Variants in PHTF2 observed in about 807,000 individuals in gnomAD.
PHTF2 encodes the protein putative homeodomain transcription factor 2.
PHTF2 carries 60 observed loss-of-function variants against 101.2 expected under a neutral mutation model. That is an observed-to-expected ratio of 0.59 (90% CI 0.48 to 0.73). The LOEUF (loss-of-function observed/expected upper bound fraction) is 0.73. Ranked by LOEUF, PHTF2 falls within the 30% of genes least tolerant of loss-of-function variation. PHTF2 has a pLI of 0.00. For synonymous variants in PHTF2, 311 were observed against 307.3 expected, an observed-to-expected ratio of 1.01 and a Z score of -0.13; for missense variants, 747 against 908.7, an observed-to-expected ratio of 0.82 and a Z score of 2.29.
chr7:77,863,791 T>TC (rs1171564533), intron 3 of PHTF2, among the ~76,000 whole-genome samples: 3 of 151,170 alleles, frequency 2.0e-5, no homozygotes, highest in Non-Finnish European at 1.5e-5. Flanking sequence ...TGTTTTGTTT[T>TC]TTTTTTTTTT....
At chr7:77,929,413 C>T (rs1804360030) in intron 12 of PHTF2, 86 bp downstream of exon 11, 2 of 677,754 alleles carry the variant, frequency 3.0e-6, no homozygotes, top group Middle Eastern at 3.4e-4. Flanking sequence ...GAAGAAAAAG[C>T]TTACATTCAA....
intron 12 of PHTF2, among the ~76,000 whole-genome samples, chr7:77,935,849 T>G (rs947548250): frequency 6.6e-6 from 1 of 152,234 alleles, no homozygotes; most frequent in African/African-American, 2.4e-5. Context: ...CCTTTTAGCT[T>G]CTTGCACTTC....
intron 16 of PHTF2, among the ~76,000 whole-genome samples, chr7:77,948,506 A>C (rs1806276961): frequency 6.6e-6 from 1 of 152,198 alleles, no homozygotes; most frequent in East Asian, 1.9e-4. Context: ...CATAAACAAC[A>C]AACCAGAATC....
At position 77,929,947 on chromosome 7, in the gene PHTF2, A is replaced by ATTTT. The variant is rs761290166; in HGVS notation, c.1338+638_1338+641dup. On this transcript the variant is annotated intron_variant, in intron 12 of 19. Coordinates refer to ENST00000416283, the Ensembl canonical transcript of PHTF2. ...GCACATCTCATTTTGGACTAGCCAC[A>ATTTT]TTTTTTTTTTTTTTTTTTTTTGAGA... 2.2e-4 allele frequency among the ~76,000 whole-genome samples: 27 copies of ATTTT among 122,140 alleles called. 1 individual carries two copies. The highest frequency in any genetic ancestry group is 6.5e-4 in the African/African-American group (20 of 30,892). 80.1% of individuals were successfully genotyped at this position (122,140 alleles called of 152,430 possible).
At chr7:77,815,869 C>T (rs1793811767) in intron 1 of PHTF2, among the ~76,000 whole-genome samples, 1 of 152,184 alleles carries the variant, frequency 6.6e-6, no homozygotes, top group Non-Finnish European at 1.5e-5. Flanking sequence ...TCTGCTGTCT[C>T]GGATCTGCTA....
chr7:77,870,349 C>T (rs1798416866), intron 3 of PHTF2, among the ~76,000 whole-genome samples: 2 of 151,428 alleles, frequency 1.3e-5, no homozygotes, highest in South Asian at 4.2e-4. Context: ...CTCACACTAT[C>T]ACAAGGTCTC....
intron 1 of PHTF2, among the ~76,000 whole-genome samples, chr7:77,816,466 A>C (rs1321565135): frequency 6.6e-6 from 1 of 152,198 alleles, no homozygotes; most frequent in African/African-American, 2.4e-5. Flanking sequence ...CATTATTTTA[A>C]AAAACTACTT....
rs1190385207 is a variant in PHTF2, at chr7:77,942,796, C to T, written c.1959+10C>T. ...TATCTGTTGTGCCCAGGTGAGTTAACTCGCTCCATGTAGAAATTAACCAGA... is the reference window on the plus strand; with the variant it reads ...TATCTGTTGTGCCCAGGTGAGTTAATTCGCTCCATGTAGAAATTAACCAGA... On this transcript the variant is annotated intron_variant, in intron 16 of 19. Transcript: ENST00000416283. 2.1e-6 allele frequency: 3 copies of T among 1,411,932 alleles called. No homozygotes were observed. The highest frequency in any genetic ancestry group is 1.4e-5 in the African/African-American group (1 of 70,258). The allele number at this position is 1,411,932 out of a possible 1,614,324, so 87.5% of individuals were successfully genotyped here. A position where few individuals can be genotyped will look rare whatever the true frequency, so the allele number is the denominator to read the frequency against.
chr7:77,940,153 C>T (rs1253720649), exon 14 of PHTF2: 1 of 1,613,826 alleles, frequency 6.2e-7, no homozygotes, highest in East Asian at 2.2e-5. Flanking sequence ...ACTCACAGCA[C>T]ATTCTGCTTC....
chr7:77,938,649 C>T (rs1310007889), intron 13 of PHTF2, among the ~76,000 whole-genome samples: 5 of 152,148 alleles, frequency 3.3e-5, no homozygotes, highest in South Asian at 2.1e-4. Context: ...TGGTGGCGGG[C>T]GCCTGTAGTC....
chr7:77,852,412 T>G (rs1033935457), intron 2 of PHTF2, among the ~76,000 whole-genome samples: 2 of 152,218 alleles, frequency 1.3e-5, no homozygotes, highest in African/African-American at 4.8e-5. Flanking sequence ...TCATGAGGCT[T>G]GTGAGTAACA....
intron 12 of PHTF2, among the ~76,000 whole-genome samples, chr7:77,935,121 C>A (rs115322466): frequency 1.5e-5 from 1 of 68,778 alleles, no homozygotes; most frequent in Non-Finnish European, 3.0e-5. Context: ...AGTGTACATT[C>A]CCCCCCCCCA....
At chr7:77,806,824 A>G (rs1470540558) in intron 1 of PHTF2, among the ~76,000 whole-genome samples, 1 of 151,660 alleles carries the variant, frequency 6.6e-6, no homozygotes, top group African/African-American at 2.4e-5. Context: ...TTTTGTTTGT[A>G]GTAGCTAGTA....
At chr7:77,923,270 G>C in intron 11 of PHTF2, 1 of 881,712 alleles carries the variant, frequency 1.1e-6, no homozygotes, top group South Asian at 5.3e-5. Context: ...CATATCTCTT[G>C]AGCTTCAAAT....
At chr7:77,924,729 TAGGGGC>T (rs1203162473) in intron 11 of PHTF2, among the ~76,000 whole-genome samples, 1 of 152,180 alleles carries the variant, frequency 6.6e-6, no homozygotes, top group Non-Finnish European at 1.5e-5. Flanking sequence ...ATAAACTTTT[TAGGGGC>T]ATCTATTTTT....
chr7:77,832,255 A>G (rs550428419), intron 1 of PHTF2, among the ~76,000 whole-genome samples: 53 of 152,262 alleles, frequency 3.5e-4, no homozygotes, highest in African/African-American at 1.2e-3. Flanking sequence ...TTTTTTTGAC[A>G]TGCTTCAAAC....
intron 16 of PHTF2, among the ~76,000 whole-genome samples, chr7:77,946,207 C>G (rs1383762853): frequency 7.9e-5 from 12 of 152,124 alleles, no homozygotes; most frequent in Admixed American, 1.3e-4. Context: ...AACATGCAAT[C>G]ATATCAATAG....
Position 77,947,837 on chromosome 7 carries a change from CTTTTT to C in PHTF2, c.1960-1827_1960-1823del, listed in dbSNP as rs71082798. Among the ~76,000 whole-genome samples, 81 of 73,804 alleles carry C rather than the reference CTTTTT, an allele frequency of 1.1e-3. 3 individuals carry two copies. Among genetic ancestry groups the C allele is most frequent in the African/African-American group, 4.0e-3 (70 of 17,476 alleles). 48.4% of individuals were successfully genotyped at this position (73,804 alleles called of 152,430 possible). On this transcript the variant is annotated intron_variant, in intron 16 of 19. Transcript: ENST00000416283. The stretch of plus-strand genomic sequence containing the variant: ...TTATTTTCTTTTTTCTTTTTTCTTT[CTTTTT>C]TTTTTTTTTTTTTGAGACAGAGTCT...
intron 11 of PHTF2, chr7:77,923,117 C>A: frequency 1.0e-6 from 1 of 1,004,598 alleles, no homozygotes. Context: ...TACATTTGAT[C>A]ATAGCAAAGT....
Sources: gnomAD v4.1 joint callset for allele counts (sites outside exome capture counted in the v4.1 genomes callset) on GRCh38, gnomAD v4.1.1 for gene constraint, MANE v1.5 for transcripts, NCBI Gene and HGNC (gene_info 2026-07-23, HGNC 2026-07-21) for gene names.